Variants in AVEN observed in about 807,000 individuals in gnomAD.
AVEN encodes the protein cell death regulator Aven.
AVEN carries 41 observed loss-of-function variants against 38.1 expected under a neutral mutation model. The observed-to-expected ratio is 1.08, with a 90% CI of 0.84 to 1.40. The LOEUF (loss-of-function observed/expected upper bound fraction) is 1.40. Ranked by LOEUF, AVEN falls within the 40% of genes most tolerant of loss-of-function variation. The pLI is 0.00. For synonymous variants in AVEN, 206 were observed against 171.8 expected, an observed-to-expected ratio of 1.20 and a Z score of -1.56; for missense variants, 605 against 438.8, an observed-to-expected ratio of 1.38 and a Z score of -3.38.
chr15:33,881,239 A>G (rs2153037931), intron 2 of AVEN, among the ~76,000 whole-genome samples: 1 of 151,898 alleles, frequency 6.6e-6, no homozygotes, highest in African/African-American at 2.4e-5. Context: ...ACAGGTGCAC[A>G]CCACCATGCC....
intron 5 of AVEN, among the ~76,000 whole-genome samples, chr15:34,061,083 T>C (rs1381304707): frequency 6.6e-6 from 1 of 152,154 alleles, no homozygotes; most frequent in Non-Finnish European, 1.5e-5. Flanking sequence ...GTGTTTGTTA[T>C]ATATCATCAA....
the AVEN span, chr15:33,853,686 C>CAA: frequency 6.2e-7 from 1 of 1,611,452 alleles, no homozygotes; most frequent in East Asian, 2.2e-5. Flanking sequence ...TGTCATGGTA[C>CAA]AAAAAGCTTA....
intron 2 of AVEN, among the ~76,000 whole-genome samples, chr15:33,922,493 T>C (rs1215971768): frequency 1.3e-5 from 2 of 152,186 alleles, no homozygotes; most frequent in African/African-American, 4.8e-5. Flanking sequence ...TGGAATGCAA[T>C]GGCATGATCA....
intron 1 of AVEN, among the ~76,000 whole-genome samples, chr15:34,005,128 T>G (rs1236490305): frequency 6.6e-6 from 1 of 152,138 alleles, no homozygotes. Flanking sequence ...TCCAGATCTT[T>G]TTCTATGTAT....
intron 2 of AVEN, among the ~76,000 whole-genome samples, chr15:33,915,328 C>T (rs1057514116): frequency 1.3e-5 from 2 of 152,070 alleles, no homozygotes; most frequent in Non-Finnish European, 2.9e-5. Context: ...CAGGAGACAA[C>T]CAAAAAACTG....
chr15:33,856,653 TGTTTG>T (rs769812899), downstream of AVEN: 113 of 79,272 alleles, frequency 1.4e-3, no homozygotes, highest in South Asian at 9.7e-3. Flanking sequence ...TTGGGTTTTT[TGTTTG>T]TTTGTTTGTT....
intron 11 of AVEN, chr15:33,859,762 A>ACAATT: frequency 1.3e-6 from 2 of 1,583,856 alleles, no homozygotes; most frequent in Non-Finnish European, 1.7e-6. Flanking sequence ...GAGTATGAAC[A>ACAATT]GGGTTTAATC....
chr15:33,961,791 C>T lies in AVEN; in HGVS notation c.445+41241G>A, dbSNP rs571186320. On this transcript the variant is annotated intron_variant, in intron 2 of 5. Coordinates refer to ENST00000306730, the MANE Select transcript of AVEN (RefSeq NM_020371.3). The stretch of plus-strand genomic sequence containing the variant: ...TCGCGCCACTGCACTCCAGCCTGGG[C>T]GACAGAGTGAGACTCTGTCTCAAAA... Among the ~76,000 whole-genome samples the T allele has an allele frequency of 1.5e-3, 162 of 105,270 alleles. 1 individual carries two copies. Among genetic ancestry groups the T allele is most frequent in the Admixed American group, 2.4e-3 (15 of 6,322 alleles). The allele number at this position is 105,270 out of a possible 152,430, so 69.1% of individuals were successfully genotyped here.
At chr15:33,889,089 T>A (rs1843654179) in intron 2 of AVEN, among the ~76,000 whole-genome samples, 1 of 152,330 alleles carries the variant, frequency 6.6e-6, no homozygotes, top group South Asian at 2.1e-4. Context: ...AATTATTATT[T>A]TAATTTGTAT....
intron 2 of AVEN, among the ~76,000 whole-genome samples, chr15:33,924,081 T>A (rs555575929): frequency 9.9e-5 from 15 of 152,110 alleles, no homozygotes; most frequent in Admixed American, 9.2e-4. Context: ...TCCCCCCCTT[T>A]TCTGGTCCAC....
intron 2 of AVEN, among the ~76,000 whole-genome samples, chr15:33,931,349 CTTTTTTTTTTTTT>C (rs71119903): frequency 3.5e-4 from 31 of 89,266 alleles, no homozygotes; most frequent in Admixed American, 1.6e-3. Flanking sequence ...TGAATATTTT[CTTTTTTTTTTTTT>C]TTTTTTTTTT....
intron 2 of AVEN, among the ~76,000 whole-genome samples, chr15:33,997,116 G>A (rs1896967877): frequency 6.6e-6 from 1 of 152,126 alleles, no homozygotes; most frequent in Admixed American, 6.5e-5. Flanking sequence ...GAAAATATAG[G>A]AGAACATCTT....
At chr15:34,038,670 G>A (rs1899285919) in intron 1 of AVEN, 110 bp downstream of exon 1, 1 of 1,028,686 alleles carries the variant, frequency 9.7e-7, no homozygotes. Flanking sequence ...CGGCGCCGCC[G>A]CCCGTCTGGC....
chr15:34,056,354 A>G (rs1350613423), intron 5 of AVEN, among the ~76,000 whole-genome samples: 1 of 152,206 alleles, frequency 6.6e-6, no homozygotes, highest in East Asian at 1.9e-4. Flanking sequence ...CTCCTAGTTC[A>G]TTGTTTTTTA....
At chr15:33,941,565 G>A (rs1249996436) in intron 2 of AVEN, among the ~76,000 whole-genome samples, 2 of 151,872 alleles carry the variant, frequency 1.3e-5, no homozygotes, top group Non-Finnish European at 2.9e-5. Flanking sequence ...TTTCAGTTTG[G>A]GAACCGCACA....
chr15:33,866,794 C>A, intron 5 of AVEN, 66 bp from the exon 6 acceptor site: 1 of 1,117,250 alleles, frequency 9.0e-7, no homozygotes, highest in East Asian at 2.4e-5. Context: ...TAATTCAGCC[C>A]AATTTATTAC....
chr15:33,962,518 C>G (rs1020147766), intron 2 of AVEN, among the ~76,000 whole-genome samples: 2 of 152,030 alleles, frequency 1.3e-5, no homozygotes, highest in Non-Finnish European at 2.9e-5. Context: ...GTAATCTGTC[C>G]CTTTCTTTCC....
chr15:33,880,184 C>T (rs1183821101), intron 2 of AVEN, among the ~76,000 whole-genome samples: 2 of 152,002 alleles, frequency 1.3e-5, no homozygotes, highest in Non-Finnish European at 2.9e-5. Context: ...AGGAACCAGG[C>T]GCCCCTACCC....
chr15:34,052,545 G>A (rs1899965792), intron 5 of AVEN, among the ~76,000 whole-genome samples: 1 of 152,200 alleles, frequency 6.6e-6, no homozygotes, highest in Non-Finnish European at 1.5e-5. Flanking sequence ...TAGGAAGACA[G>A]GATGTCAAAT....
Sources: gnomAD v4.1 joint callset for allele counts (sites outside exome capture counted in the v4.1 genomes callset) on GRCh38, gnomAD v4.1.1 for gene constraint, MANE v1.5 for transcripts, NCBI Gene and HGNC (gene_info 2026-07-23, HGNC 2026-07-21) for gene names.